Variants in NRXN1 observed in about 807,000 individuals in gnomAD.
NRXN1 encodes the protein neurexin 1, also known as neurexin-1.
NRXN1 carries 39 observed loss-of-function variants against 150.9 expected under a neutral mutation model. The ratio of observed to expected loss-of-function variants is 0.26; its 90% CI spans 0.20 to 0.34. The LOEUF (loss-of-function observed/expected upper bound fraction) is 0.34, where lower values mean the gene tolerates loss of function less well. Ranked by LOEUF, NRXN1 falls within the 10% of genes least tolerant of loss-of-function variation. NRXN1 has a pLI of 1.00. For synonymous variants in NRXN1, 924 were observed against 757.0 expected, an observed-to-expected ratio of 1.22 and a Z score of -3.62; for missense variants, 1,815 against 1,949.9, an observed-to-expected ratio of 0.93 and a Z score of 1.30.
intron 17 of NRXN1, among the ~76,000 whole-genome samples, chr2:50,376,490 G>A (rs993470457): frequency 6.6e-6 from 1 of 152,054 alleles, no homozygotes; most frequent in Non-Finnish European, 1.5e-5. Flanking sequence ...AGAAATTGTG[G>A]GTGTACTGGG....
chr2:50,552,263 G>T (rs13412958), intron 9 of NRXN1, among the ~76,000 whole-genome samples: 4 of 151,876 alleles, frequency 2.6e-5, no homozygotes, highest in African/African-American at 7.3e-5. Context: ...AGAGAAAACT[G>T]GGAATAGAAA....
At chr2:50,116,171 C>T (rs1352099367) in intron 18 of NRXN1, among the ~76,000 whole-genome samples, 2 of 151,910 alleles carry the variant, frequency 1.3e-5, no homozygotes, top group Admixed American at 6.6e-5. Flanking sequence ...AAGAGCTACG[C>T]AATTTTTGTT....
At chr2:50,315,627 A>C (rs2075538195) in intron 17 of NRXN1, among the ~76,000 whole-genome samples, 1 of 152,154 alleles carries the variant, frequency 6.6e-6, no homozygotes, top group Non-Finnish European at 1.5e-5. Context: ...TGCTCCAAGC[A>C]TCTACTTGTA....
At chr2:50,147,404 C>A (rs1020089639) in intron 18 of NRXN1, among the ~76,000 whole-genome samples, 2 of 151,696 alleles carry the variant, frequency 1.3e-5, no homozygotes, top group Admixed American at 6.6e-5. Context: ...TTGTGAATAA[C>A]TAAAAATTTA....
At chr2:50,815,721 A>G (rs199901795) in intron 5 of NRXN1, among the ~76,000 whole-genome samples, 1 of 152,166 alleles carries the variant, frequency 6.6e-6, no homozygotes, top group East Asian at 1.9e-4. Context: ...GTGAATATCC[A>G]TGAAACATAT....
chr2:50,733,156 A>T (rs987371765), intron 5 of NRXN1, among the ~76,000 whole-genome samples: 2 of 152,186 alleles, frequency 1.3e-5, no homozygotes, highest in Non-Finnish European at 2.9e-5. Flanking sequence ...AAATGACACA[A>T]CAGGGAAACA....
At chr2:50,980,722 C>T (rs1473992677) in intron 2 of NRXN1, among the ~76,000 whole-genome samples, 1 of 152,056 alleles carries the variant, frequency 6.6e-6, no homozygotes, top group East Asian at 1.9e-4. Context: ...TGCCACAACG[C>T]TATTGAAAAC....
intron 21 of NRXN1, among the ~76,000 whole-genome samples, chr2:50,043,736 G>A (rs1267782387): frequency 6.6e-6 from 1 of 152,132 alleles, no homozygotes; most frequent in East Asian, 1.9e-4. Context: ...TTAAATGCTG[G>A]TCTATGTTTA....
chr2:50,690,378 C>T (rs1691898428), intron 5 of NRXN1, among the ~76,000 whole-genome samples: 1 of 152,136 alleles, frequency 6.6e-6, no homozygotes, highest in African/African-American at 2.4e-5. Flanking sequence ...ATTCAGCACG[C>T]AGACCTTTGA....
chr2:51,021,869 T>C (rs1669667775), intron 2 of NRXN1, among the ~76,000 whole-genome samples: 1 of 152,100 alleles, frequency 6.6e-6, no homozygotes. Context: ...AATACAGGTA[T>C]TAGTTTATGT....
intron 15 of NRXN1, among the ~76,000 whole-genome samples, chr2:50,473,931 T>A (rs1195952197): frequency 6.6e-6 from 1 of 152,024 alleles, no homozygotes; most frequent in East Asian, 1.9e-4. Flanking sequence ...TCATGTGGCA[T>A]ACTCAAAGTC....
intron 17 of NRXN1, among the ~76,000 whole-genome samples, chr2:50,411,105 G>A (rs2083125428): frequency 6.6e-6 from 1 of 151,344 alleles, no homozygotes; most frequent in South Asian, 2.1e-4. Flanking sequence ...AGCGGAGGCT[G>A]GACTGTACTG....
At chr2:50,498,269 A>C (rs2091756625) in intron 13 of NRXN1, among the ~76,000 whole-genome samples, 1 of 152,168 alleles carries the variant, frequency 6.6e-6, no homozygotes, top group South Asian at 2.1e-4. Flanking sequence ...GTGTGTTTGA[A>C]GTTAAATATA....
chr2:49,970,837 G>C (rs1356861426), intron 21 of NRXN1, among the ~76,000 whole-genome samples: 1 of 151,876 alleles, frequency 6.6e-6, no homozygotes, highest in South Asian at 2.1e-4. Context: ...CTATCTATTG[G>C]TGTTTGAGTC....
chr2:50,550,238 T>A (rs954553634), intron 9 of NRXN1, among the ~76,000 whole-genome samples: 1 of 152,050 alleles, frequency 6.6e-6, no homozygotes, highest in South Asian at 2.1e-4. Flanking sequence ...TGTTGTTTTG[T>A]TGTTTTGAGA....
At chr2:50,031,138 A>C (rs956961717) in intron 21 of NRXN1, among the ~76,000 whole-genome samples, 27 of 152,066 alleles carry the variant, frequency 1.8e-4, no homozygotes, top group Admixed American at 1.4e-3. Flanking sequence ...AAGTTATATA[A>C]ATTTAATATC....
chr2:50,275,515 T>C (rs969587438), intron 17 of NRXN1, among the ~76,000 whole-genome samples: 15 of 152,242 alleles, frequency 9.9e-5, no homozygotes, highest in African/African-American at 3.6e-4. Flanking sequence ...AAAAAAAATC[T>C]ATTCATGGGT....
chr2:50,841,993 T>A (rs191183495), intron 5 of NRXN1, among the ~76,000 whole-genome samples: 2 of 152,314 alleles, frequency 1.3e-5, no homozygotes, highest in African/African-American at 4.8e-5. Flanking sequence ...ATGCAAAGTG[T>A]CTTTCATTTT....
At chr2:50,306,216 A>G (rs1356774575) in intron 17 of NRXN1, among the ~76,000 whole-genome samples, 2 of 152,220 alleles carry the variant, frequency 1.3e-5, no homozygotes, top group Non-Finnish European at 2.9e-5. Flanking sequence ...ACAAAATAAG[A>G]AACAAATGTC....
Sources: gnomAD v4.1 joint callset for allele counts (sites outside exome capture counted in the v4.1 genomes callset) on GRCh38, gnomAD v4.1.1 for gene constraint, MANE v1.5 for transcripts, NCBI Gene and HGNC (gene_info 2026-07-23, HGNC 2026-07-21) for gene names.